Variants in EEIG1 observed in about 807,000 individuals in gnomAD.
EEIG1 encodes estrogen-induced osteoclastogenesis regulator 1.
the EEIG1 span, chr9:127,942,990 G>C: frequency 1.6e-6 from 1 of 616,324 alleles, no homozygotes; most frequent in Non-Finnish European, 2.9e-6. Flanking sequence ...GTGGTGCCTG[G>C]GCCTTGGTGG....
the EEIG1 span, among the ~76,000 whole-genome samples, chr9:127,945,908 C>T: frequency 6.6e-6 from 1 of 152,230 alleles, no homozygotes; most frequent in Non-Finnish European, 1.5e-5. The surrounding 1 kb of genome is among the most constrained non-coding windows in gnomAD (Gnocchi z 6.5). Flanking sequence ...CCAGCCTGAG[C>T]CATAGGTCAC....
chr9:127,962,777 C>G, the EEIG1 span, among the ~76,000 whole-genome samples: 1 of 152,054 alleles, frequency 6.6e-6, no homozygotes, highest in Non-Finnish European at 1.5e-5. Context: ...GCCTGTAATC[C>G]CAGCACTCTG....
chr9:127,975,858 A>G, the EEIG1 span, among the ~76,000 whole-genome samples: 2 of 152,018 alleles, frequency 1.3e-5, no homozygotes, highest in African/African-American at 4.8e-5. Flanking sequence ...CCGACTCACC[A>G]GACTTGGCTA....
chr9:127,968,260 C>G, the EEIG1 span, among the ~76,000 whole-genome samples: 1 of 152,078 alleles, frequency 6.6e-6, no homozygotes, highest in African/African-American at 2.4e-5. Context: ...GAACGGATTC[C>G]CATCCCCAGG....
chr9:127,970,128 T>C, the EEIG1 span, among the ~76,000 whole-genome samples: 823 of 152,312 alleles, frequency 5.4e-3, 4 homozygotes, highest in African/African-American at 0.019. Context: ...ACTTTTTTTT[T>C]TTTGAGACAG....
At chr9:127,961,971 C>T in the EEIG1 span, among the ~76,000 whole-genome samples, 14 of 152,158 alleles carry the variant, frequency 9.2e-5, no homozygotes, top group Admixed American at 6.5e-5. Flanking sequence ...AGGGGCAGTC[C>T]CCACGGTGTC....
chr9:127,966,215 C>T, the EEIG1 span, among the ~76,000 whole-genome samples: 2 of 152,142 alleles, frequency 1.3e-5, no homozygotes, highest in African/African-American at 2.4e-5. Flanking sequence ...GCTGGGAAAG[C>T]GTCAGGGTTA....
At chr9:127,949,311 CA>C in the EEIG1 span, among the ~76,000 whole-genome samples, 598 of 90,138 alleles carry the variant, frequency 6.6e-3, 4 homozygotes, top group African/African-American at 0.027. Context: ...GACTCTGTCT[CA>C]AAAAAAAAAA....
chr9:127,963,146 CT>C, the EEIG1 span, among the ~76,000 whole-genome samples: 1 of 152,228 alleles, frequency 6.6e-6, no homozygotes, highest in Non-Finnish European at 1.5e-5. Context: ...GAGACTCTTT[CT>C]TCGTTTCTGT....
the EEIG1 span, among the ~76,000 whole-genome samples, chr9:127,975,481 C>T: frequency 3.3e-5 from 5 of 152,128 alleles, no homozygotes; most frequent in African/African-American, 1.2e-4. Context: ...GGACCCCCTC[C>T]CCGTTCTGGC....
At chr9:127,955,865 C>T in the EEIG1 span, among the ~76,000 whole-genome samples, 1 of 152,250 alleles carries the variant, frequency 6.6e-6, no homozygotes, top group African/African-American at 2.4e-5. Flanking sequence ...AGAGGGCAGG[C>T]AGACCTGGGC....
the EEIG1 span, among the ~76,000 whole-genome samples, chr9:127,973,091 C>A: frequency 7.6e-4 from 116 of 152,238 alleles, no homozygotes; most frequent in Middle Eastern, 0.01. The surrounding 1 kb of genome is among the most constrained non-coding windows in gnomAD (Gnocchi z 4.2). Context: ...CCTGCTTAAA[C>A]CTTCCTGGGG....
At chr9:127,973,230 G>A in the EEIG1 span, among the ~76,000 whole-genome samples, 9 of 152,106 alleles carry the variant, frequency 5.9e-5, no homozygotes, top group Non-Finnish European at 1.0e-4. The surrounding 1 kb of genome is among the most constrained non-coding windows in gnomAD (Gnocchi z 4.2). Context: ...AGAGTCAGTC[G>A]GCTCCTGACC....
the EEIG1 span, among the ~76,000 whole-genome samples, chr9:127,979,093 C>T: frequency 2.0e-5 from 3 of 152,194 alleles, no homozygotes; most frequent in Non-Finnish European, 2.9e-5. Context: ...TCAAGCAAGT[C>T]TTCCACGTAG....
chr9:127,941,283 T>A, the EEIG1 span: 1 of 152,364 alleles, frequency 6.6e-6, no homozygotes, highest in South Asian at 2.1e-4. Flanking sequence ...CTGGCTGTTT[T>A]CCACCCAAAG....
At chr9:127,965,006 G>C in the EEIG1 span, among the ~76,000 whole-genome samples, 1 of 151,202 alleles carries the variant, frequency 6.6e-6, no homozygotes, top group Middle Eastern at 3.4e-3. Flanking sequence ...CTACTTGTGA[G>C]GCTGAGGCAG....
At chr9:127,948,028 C>A in the EEIG1 span, 3 of 1,580,434 alleles carry the variant, frequency 1.9e-6, no homozygotes, top group South Asian at 1.2e-5. Context: ...GTAAACCCCT[C>A]GGGCCGCTAG....
chr9:127,979,042 C>A, the EEIG1 span, among the ~76,000 whole-genome samples: 4 of 151,956 alleles, frequency 2.6e-5, no homozygotes, highest in Admixed American at 2.6e-4. Context: ...AAAATAGAGA[C>A]AGGAATCTAA....
At chr9:127,944,940 A>G in the EEIG1 span, 93 of 1,595,234 alleles carry the variant, frequency 5.8e-5, no homozygotes, top group Non-Finnish European at 6.8e-5. Flanking sequence ...CGGTCAGGGC[A>G]GTAACAGGTA....
Sources: gnomAD v4.1 joint callset for allele counts (sites outside exome capture counted in the v4.1 genomes callset) on GRCh38, gnomAD v4.1.1 for gene constraint, Gnocchi (gnomAD v3.1) non-coding constraint, MANE v1.5 for transcripts, NCBI Gene and HGNC (gene_info 2026-07-23, HGNC 2026-07-21) for gene names.